TMTC4: variants seen among roughly 807,000 people sequenced by gnomAD.
The protein encoded by TMTC4 is protein O-mannosyl-transferase TMTC4.
In TMTC4, 65 loss-of-function variants were observed where a neutral mutation model predicts 86.0. The ratio of observed to expected loss-of-function variants is 0.76; its 90% CI spans 0.62 to 0.93. The LOEUF (loss-of-function observed/expected upper bound fraction) is 0.93, where lower values mean the gene tolerates loss of function less well. TMTC4 is among the 40% of genes least tolerant of loss of function. The pLI is 0.00. For missense variants in TMTC4, 866 were observed against 948.1 expected (o/e 0.91, Z 1.14); for synonymous variants, 379 against 382.5 (o/e 0.99, Z 0.11).
intron 3 of TMTC4, among the ~76,000 whole-genome samples, chr13:100,664,821 C>T (rs1886214022): frequency 6.6e-6 from 1 of 152,226 alleles, no homozygotes; most frequent in South Asian, 2.1e-4. Context: ...AACTTACAGT[C>T]ACATGACTAT....
chr13:100,670,445 C>A lies in TMTC4; in HGVS notation c.-83G>T. ...GAGATGAAACAGGCCGCAACTCTTC[C>A]ACTGCTTGTCTCTCGAGCCTCACAG... On this transcript the variant is annotated 5_prime_UTR_variant, in exon 2 of 19. The change creates a premature stop within an existing upstream ORF in the 5' untranslated region. Coordinates refer to ENST00000342624, the MANE Select transcript of TMTC4 (RefSeq NM_032813.5). The A allele has an allele frequency of 1.4e-6, 2 of 1,472,916 alleles. No homozygotes were observed. The highest frequency in any genetic ancestry group is 1.9e-6 in the Non-Finnish European group (2 of 1,080,836). 91.2% of individuals were successfully genotyped at this position (1,472,916 alleles called of 1,614,324 possible). A position where few individuals can be genotyped will look rare whatever the true frequency, so the allele number is the denominator to read the frequency against.
intron 15 of TMTC4, among the ~76,000 whole-genome samples, chr13:100,621,046 C>T (rs1425819306): frequency 1.3e-5 from 2 of 152,172 alleles, no homozygotes; most frequent in Non-Finnish European, 2.9e-5. Context: ...GACCATTTCA[C>T]GGCAGTGTAA....
At chr13:100,619,113 C>T (rs1163391821) in intron 15 of TMTC4, among the ~76,000 whole-genome samples, 1 of 149,690 alleles carries the variant, frequency 6.7e-6, no homozygotes, top group Non-Finnish European at 1.5e-5. Context: ...GCTGGCCGGA[C>T]GGGGGGCTGA....
chr13:100,649,007 C>T (rs1054001704), intron 6 of TMTC4, among the ~76,000 whole-genome samples: 2 of 152,118 alleles, frequency 1.3e-5, no homozygotes, highest in South Asian at 4.1e-4. Context: ...ATATTTTATC[C>T]AGTCATAAGA....
At position 100,611,542 on chromosome 13, in the gene TMTC4, G is replaced by A. The variant is rs71439672; in HGVS notation, c.2064+856C>T. On this transcript the variant is annotated intron_variant, in intron 17 of 18. Transcript: ENST00000342624. Reference sequence around the variant, plus strand: ...GGAGCTTGCAGAGAGCCGAGATGGCGCCACTGCACTCCAGCCTGGGCGAAA... The same window carrying A: ...GGAGCTTGCAGAGAGCCGAGATGGCACCACTGCACTCCAGCCTGGGCGAAA... Among the ~76,000 whole-genome samples, 667 of 152,228 alleles carry A rather than the reference G, an allele frequency of 4.4e-3. 3 individuals are homozygous for A. Among genetic ancestry groups the A allele is most frequent in the East Asian group, 0.019 (100 of 5,176 alleles).
intron 6 of TMTC4, among the ~76,000 whole-genome samples, chr13:100,645,740 TCA>T (rs1883646888): frequency 6.6e-6 from 1 of 152,194 alleles, no homozygotes; most frequent in African/African-American, 2.4e-5. Context: ...ACAATATTCC[TCA>T]CAGAGTTTAT....
chr13:100,625,575 CTG>C lies in TMTC4; in HGVS notation c.1794_1795del (p.His598GlnfsTer54). The C allele has an allele frequency of 6.2e-7, 1 of 1,614,190 alleles. No individual in the cohort carries two copies. Among genetic ancestry groups the C allele is most frequent in the Non-Finnish European group, 8.5e-7 (1 of 1,180,034 alleles). On this transcript the variant is annotated frameshift_variant, in exon 15 of 19. Transcript: ENST00000342624. LOFTEE classifies it high-confidence loss of function. The stretch of plus-strand genomic sequence containing the variant: ...GTAGTAACAGTCTGGGTATTTCCTT[CTG>C]TGTTTAATTGCTGTCCGGTAACTTT...
At position 100,670,435 on chromosome 13, in the gene TMTC4, G is replaced by A. The variant is rs376240680; in HGVS notation, c.-73C>T. On this transcript the variant is annotated 5_prime_UTR_variant, in exon 2 of 19. Coordinates refer to ENST00000342624, the MANE Select transcript of TMTC4 (RefSeq NM_032813.5). ...TTACAATCCAGAGATGAAACAGGCC[G>A]CAACTCTTCCACTGCTTGTCTCTCG... 52 of 1,526,962 alleles carry A rather than the reference G, an allele frequency of 3.4e-5. No homozygotes were observed. Among genetic ancestry groups the A allele is most frequent in the Non-Finnish European group, 4.4e-5 (49 of 1,124,434 alleles). The allele number at this position is 1,526,962 out of a possible 1,614,324, so 94.6% of individuals were successfully genotyped here.
chr13:100,671,471 AATC>A (rs745461199), intron 1 of TMTC4, among the ~76,000 whole-genome samples: 88 of 152,316 alleles, frequency 5.8e-4, no homozygotes, highest in South Asian at 8.3e-4. Flanking sequence ...TTCTAAGCAT[AATC>A]ATGTTCCAAG....
At chr13:100,627,050 T>C (rs1029248614) in intron 12 of TMTC4, among the ~76,000 whole-genome samples, 4 of 152,142 alleles carry the variant, frequency 2.6e-5, no homozygotes, top group Non-Finnish European at 5.9e-5. Context: ...GGCAGGCCCT[T>C]ACCACACACC....
intron 12 of TMTC4, among the ~76,000 whole-genome samples, chr13:100,630,019 C>CTGTG (rs377655969): frequency 8.3e-4 from 122 of 146,770 alleles, no homozygotes; most frequent in African/African-American, 3.0e-3. Context: ...GCCACCCAAT[C>CTGTG]TGTGTGTATG....
rs1453921089 is a variant in TMTC4, at chr13:100,642,268, C to A, written c.684G>T (p.Leu228=). 6 of 1,614,226 alleles carry A rather than the reference C, an allele frequency of 3.7e-6. No homozygotes were observed. The highest frequency in any genetic ancestry group is 5.1e-6 in the Non-Finnish European group (6 of 1,180,034). ...TGGCCACTGCTCCCAGAAAGATACT[C>A]AGCAGCACCCAGAAGGTGGAAGAAT... ...GAHSSTFWVL[L]SIFLGAVAML... The change falls in exon 7 of 19, where the codon CTG becomes CTT. Residue 228 remains leucine, a synonymous_variant. Transcript: ENST00000342624.
intron 15 of TMTC4, chr13:100,625,211 G>A: frequency 3.3e-6 from 1 of 299,478 alleles, no homozygotes; most frequent in Non-Finnish European, 6.4e-6. Context: ...TAAAAACAGA[G>A]AAACTGATGT....
chr13:100,656,330 G>C (rs375910346), intron 6 of TMTC4, 51 bp downstream of exon 6: 1 of 1,533,158 alleles, frequency 6.5e-7, no homozygotes, highest in African/African-American at 1.4e-5. Context: ...TGCTCAACAG[G>C]ACAAAAACAT....
intron 15 of TMTC4, 98 bp downstream of exon 15, chr13:100,625,437 A>AAAT (rs1435246151): frequency 6.7e-7 from 1 of 1,497,636 alleles, no homozygotes; most frequent in Non-Finnish European, 9.2e-7. Flanking sequence ...GAACTTTATA[A>AAAT]AATGTATGGG....
rs140920270 is a variant in TMTC4 at position 100,612,183 on chromosome 13, C to T, written c.2064+215G>A. Reference sequence around the variant, plus strand: ...TCTTCCTCTCTCCACGTGTGAACCACAGTGGTTAATTCTGATGAGAAAGGA... The same window carrying T: ...TCTTCCTCTCTCCACGTGTGAACCATAGTGGTTAATTCTGATGAGAAAGGA... On this transcript the variant is annotated intron_variant, in intron 17 of 18. Transcript: ENST00000342624. Among the ~76,000 whole-genome samples the T allele has an allele frequency of 1.8e-3, 276 of 152,370 alleles. 2 individuals are homozygous for T. The highest frequency in any genetic ancestry group is 5.9e-3 in the African/African-American group (245 of 41,586).
intron 3 of TMTC4, 130 bp downstream of exon 3, chr13:100,668,449 C>G (rs577618761): frequency 4.4e-6 from 4 of 898,944 alleles, no homozygotes; most frequent in Admixed American, 2.7e-5. Flanking sequence ...AGAGAAAAAT[C>G]GAGAGCACCA....
chr13:100,675,046 G>A (rs1887695109), upstream of TMTC4: 19 of 985,702 alleles, frequency 1.9e-5, no homozygotes, highest in East Asian at 2.3e-4. Context: ...CGGCGGCGAA[G>A]GAGGCGCAGG....
At chr13:100,654,799 T>C (rs532814502) in intron 6 of TMTC4, among the ~76,000 whole-genome samples, 1 of 152,232 alleles carries the variant, frequency 6.6e-6, no homozygotes, top group South Asian at 2.1e-4. Flanking sequence ...TCTTTAGAAG[T>C]AGTGACAGGT....
Sources: gnomAD v4.1 joint callset for allele counts (sites outside exome capture counted in the v4.1 genomes callset) on GRCh38, gnomAD v4.1.1 for gene constraint, MANE v1.5 for transcripts, NCBI Gene and HGNC (gene_info 2026-07-23, HGNC 2026-07-21) for gene names.